The following SP4 variants were observed in gnomAD, a reference collection of about 807,000 sequenced individuals.
SP4 encodes the protein Sp4 transcription factor, also known as transcription factor Sp4.
In SP4, 19 loss-of-function variants were observed where a neutral mutation model predicts 72.8. The ratio of observed to expected loss-of-function variants is 0.26; its 90% CI spans 0.18 to 0.38. SP4 has a LOEUF of 0.38. Ranked by LOEUF, SP4 falls within the 10% of genes least tolerant of loss-of-function variation. The pLI, the probability that SP4 is intolerant of heterozygous loss-of-function variation, is 1.00. For missense variants in SP4, 1,008 were observed against 926.3 expected, an observed-to-expected ratio of 1.09 and a Z score of -1.14; for synonymous variants, 395 against 333.1, an observed-to-expected ratio of 1.19 and a Z score of -2.02.
In SP4 at chr7:21,446,129, T is replaced by TA. The variant is rs542513029; in HGVS notation, c.1678+15289dup. 5.5e-3 allele frequency among the ~76,000 whole-genome samples: 837 copies of TA among 151,824 alleles called. 7 individuals are homozygous for TA. Among genetic ancestry groups the TA allele is most frequent in the African/African-American group, 0.019 (778 of 41,398 alleles). On this transcript the variant is annotated intron_variant, in intron 3 of 5. Transcript: ENST00000222584. The stretch of plus-strand genomic sequence containing the variant: ...ATTATAAACACATTCAGGGAAAACT[T>TA]AAAGGGATTATATTCTATACCTATT...
chr7:21,494,839 T>A (rs1458339795), intron 5 of SP4, among the ~76,000 whole-genome samples: 1 of 152,138 alleles, frequency 6.6e-6, no homozygotes, highest in Non-Finnish European at 1.5e-5. Context: ...AATAACATAA[T>A]TGGCTGATTT....
chr7:21,428,289 TCG>T (rs1330827368), intron 1 of SP4, 31 bp downstream of exon 1: 1 of 1,340,420 alleles, frequency 7.5e-7, no homozygotes, highest in Non-Finnish European at 1.0e-6. Context: ...TCAGTCTCCT[TCG>T]CCGCCTCCCT....
At chr7:21,457,113 A>G (rs532975405) in intron 3 of SP4, among the ~76,000 whole-genome samples, 91 of 152,366 alleles carry the variant, frequency 6.0e-4, no homozygotes, top group Non-Finnish European at 9.7e-4. Flanking sequence ...CAGGGAGCCT[A>G]TAACTTCCTA....
At chr7:21,491,855 A>T (rs1784987939) in intron 5 of SP4, among the ~76,000 whole-genome samples, 1 of 151,614 alleles carries the variant, frequency 6.6e-6, no homozygotes, top group African/African-American at 2.4e-5. Flanking sequence ...CTGCTATCAG[A>T]TCTGCCTCAA....
intron 4 of SP4, among the ~76,000 whole-genome samples, chr7:21,478,418 C>G (rs1302332018): frequency 6.6e-6 from 1 of 152,110 alleles, no homozygotes; most frequent in Non-Finnish European, 1.5e-5. Context: ...TATTGTAATT[C>G]TATGTTTAAC....
At chr7:21,454,614 G>A (rs1426629744) in intron 3 of SP4, among the ~76,000 whole-genome samples, 1 of 152,190 alleles carries the variant, frequency 6.6e-6, no homozygotes, top group Non-Finnish European at 1.5e-5. Flanking sequence ...TGAGTCCTAT[G>A]AAGGGGGAGC....
chr7:21,496,317 G>GGAGA (rs1327932295), intron 5 of SP4, among the ~76,000 whole-genome samples: 1 of 152,206 alleles, frequency 6.6e-6, no homozygotes, highest in Admixed American at 6.5e-5. Flanking sequence ...GTGTAAAAAG[G>GGAGA]GAGAGAGATT....
intron 5 of SP4, among the ~76,000 whole-genome samples, chr7:21,482,398 C>T (rs1481805534): frequency 6.6e-6 from 1 of 151,734 alleles, no homozygotes; most frequent in Non-Finnish European, 1.5e-5. Context: ...TGAAATCATA[C>T]ATTGTTTTTC....
At chr7:21,473,431 TGGCACTGTTATTGAGTTATTA>T (rs1784406729) in intron 3 of SP4, among the ~76,000 whole-genome samples, 1 of 152,208 alleles carries the variant, frequency 6.6e-6, no homozygotes, top group African/African-American at 2.4e-5. Flanking sequence ...TGCTATTGAG[TGGCACTGTTATTGAGTTATTA>T]GGCACTGTTA....
At chr7:21,492,791 A>T (rs75005895) in intron 5 of SP4, among the ~76,000 whole-genome samples, 2,066 of 152,354 alleles carry the variant, frequency 0.014, 47 homozygotes, top group East Asian at 0.079. Context: ...GAGTATCTGA[A>T]TAACACTCCA....
chr7:21,469,338 T>TGG (rs1784259194), intron 3 of SP4, among the ~76,000 whole-genome samples: 1 of 151,304 alleles, frequency 6.6e-6, no homozygotes, highest in African/African-American at 2.4e-5. Flanking sequence ...ATGATAATAG[T>TGG]GGTAATCTAT....
intron 3 of SP4, among the ~76,000 whole-genome samples, chr7:21,456,257 G>T (rs547992153): frequency 1.3e-5 from 2 of 152,286 alleles, no homozygotes; most frequent in East Asian, 3.9e-4. Context: ...TCTTTAAAGG[G>T]CCTCAGAGTG....
chr7:21,428,983 C>T (rs546938419), intron 2 of SP4, 191 bp downstream of exon 2: 7 of 597,134 alleles, frequency 1.2e-5, no homozygotes, highest in Middle Eastern at 8.8e-4. Flanking sequence ...TTTAAAATTA[C>T]ATCAGGAATT....
At chr7:21,444,789 A>G (rs1783370974) in intron 3 of SP4, among the ~76,000 whole-genome samples, 1 of 152,206 alleles carries the variant, frequency 6.6e-6, no homozygotes, top group South Asian at 2.1e-4. Flanking sequence ...ATAGCCAGTA[A>G]GTTAGGGTGC....
chr7:21,468,325 G>A (rs1784230234), intron 3 of SP4, among the ~76,000 whole-genome samples: 1 of 152,068 alleles, frequency 6.6e-6, no homozygotes, highest in South Asian at 2.1e-4. Flanking sequence ...ATTTGTGATT[G>A]CATTCACTTC....
At chr7:21,432,776 T>G (rs1324491218) in intron 3 of SP4, among the ~76,000 whole-genome samples, 1 of 151,996 alleles carries the variant, frequency 6.6e-6, no homozygotes, top group African/African-American at 2.4e-5. Flanking sequence ...GGAGGATTGC[T>G]TGAGCCCACT....
intron 3 of SP4, among the ~76,000 whole-genome samples, chr7:21,452,845 C>T (rs923380441): frequency 2.0e-5 from 3 of 150,772 alleles, no homozygotes; most frequent in East Asian, 2.0e-4. Context: ...TGCAGTGGCA[C>T]GATCTGAGCT....
chr7:21,511,242 T>A lies in SP4; in HGVS notation c.2328T>A (p.Asn776Lys). The change falls in exon 6 of 6, where the codon AAT becomes AAA. Residue 776 changes from asparagine to lysine, a missense_variant. Coordinates refer to ENST00000222584, the MANE Select transcript of SP4 (RefSeq NM_003112.5). ...AAGATTCGAATCCAGCAACTCCCAA[T>A]GTTTCAACCAACATGGAAGAATTCT... ...ISQDSNPATPNVSTNMEEF is the reference protein window; with the variant it reads ...ISQDSNPATPKVSTNMEEF The A allele has an allele frequency of 6.2e-7, 1 of 1,614,142 alleles. No homozygotes were observed. The highest frequency in any genetic ancestry group is 8.5e-7 in the Non-Finnish European group (1 of 1,180,002).
intron 5 of SP4, among the ~76,000 whole-genome samples, 200 bp from the exon 6 acceptor site, chr7:21,510,822 C>T (rs1782121959): frequency 6.6e-6 from 1 of 152,206 alleles, no homozygotes; most frequent in South Asian, 2.1e-4. Flanking sequence ...AGGACTTAAA[C>T]TTCAGGTCTT....
Sources: gnomAD v4.1 joint callset for allele counts (sites outside exome capture counted in the v4.1 genomes callset) on GRCh38, gnomAD v4.1.1 for gene constraint, MANE v1.5 for transcripts, NCBI Gene and HGNC (gene_info 2026-07-23, HGNC 2026-07-21) for gene names.